The following PAQR3 variants were observed in gnomAD, a reference collection of about 807,000 sequenced individuals.
The protein encoded by PAQR3 is Raf kinase trapping to Golgi.
A neutral mutation model predicts 41.7 loss-of-function variants in PAQR3; 39 were observed. The ratio of observed to expected loss-of-function variants is 0.93; its 90% CI spans 0.72 to 1.22. The LOEUF is 1.22. PAQR3 is among the 50% of genes most tolerant of loss of function. The pLI, the probability that PAQR3 is intolerant of heterozygous loss-of-function variation, is 0.00. For synonymous variants in PAQR3, 140 were observed against 140.6 expected (o/e 1.00, Z 0.03); for missense variants, 366 against 385.6 (o/e 0.95, Z 0.42).
intron 11 of PAQR3, among the ~76,000 whole-genome samples, chr4:78,893,763 C>T (rs1047046511): frequency 6.6e-6 from 1 of 152,178 alleles, no homozygotes; most frequent in Non-Finnish European, 1.5e-5. Context: ...TTGGGTCTCA[C>T]TATGTTGCCC....
chr4:78,931,604 A>C (rs1455898805), intron 2 of PAQR3, among the ~76,000 whole-genome samples: 2 of 152,092 alleles, frequency 1.3e-5, no homozygotes, highest in Non-Finnish European at 2.9e-5. Flanking sequence ...ACAGTAACAA[A>C]TCCTACTGTA....
chr4:78,910,711 C>A (rs774044883), downstream of PAQR3: 1 of 1,612,964 alleles, frequency 6.2e-7, no homozygotes, highest in East Asian at 2.2e-5. Context: ...TAAAGATCAG[C>A]GGACTGGAAA....
rs1578002648 is a variant in PAQR3 at position 78,918,029 on chromosome 4, C to T, written c.*2510G>A. On this transcript the variant is annotated 3_prime_UTR_variant, in exon 6 of 6. Transcript: ENST00000512733. ...TAGTGTAATAACAAAAAAAGACAAG[C>T]ACTGTCTTGCTATTTGAAAATGGCT... The T allele has an allele frequency of 1.0e-6, 1 of 979,028 alleles. No individual in the cohort carries two copies. Among genetic ancestry groups the T allele is most frequent in the Non-Finnish European group, 1.2e-6 (1 of 823,876 alleles). 60.6% of individuals were successfully genotyped at this position (979,028 alleles called of 1,614,324 possible). A position where few individuals can be genotyped will look rare whatever the true frequency, so the allele number is the denominator to read the frequency against.
intron 12 of PAQR3, chr4:78,888,002 A>C (rs1283692212): frequency 1.3e-5 from 2 of 152,252 alleles, no homozygotes; most frequent in East Asian, 3.8e-4. Context: ...TCACTCAGGC[A>C]AGTTACATAT....
intron 11 of PAQR3, among the ~76,000 whole-genome samples, chr4:78,889,126 C>T (rs976541003): frequency 6.8e-6 from 1 of 146,730 alleles, no homozygotes; most frequent in African/African-American, 2.5e-5. Context: ...GAGGCTAAGG[C>T]AGGAGAATGG....
chr4:78,887,595 T>C (rs1026646631), intron 12 of PAQR3, among the ~76,000 whole-genome samples: 7 of 152,194 alleles, frequency 4.6e-5, no homozygotes, highest in Non-Finnish European at 1.5e-5. Flanking sequence ...TGCTTAAAAA[T>C]TTGATATTTT....
At position 78,903,610 on chromosome 4, in the gene PAQR3, C is replaced by G. The variant is rs1048994905; in HGVS notation, c.*836+2498G>C. Among the ~76,000 whole-genome samples the G allele has an allele frequency of 2.0e-5, 3 of 151,878 alleles. No homozygotes were observed. In the East Asian group the frequency reaches 5.8e-4, roughly 29 times the overall value. The stretch of plus-strand genomic sequence containing the variant: ...CTCAGGCTTATTTGGATGTTTATCT[C>G]TCATGGATTTTGTAAAGTTGAGTAT... On this transcript the variant is annotated intron_variant and NMD_transcript_variant, in intron 11 of 12. Transcript: ENST00000342820.
chr4:78,898,645 G>A (rs1469597170), intron 11 of PAQR3, among the ~76,000 whole-genome samples: 3 of 149,130 alleles, frequency 2.0e-5, no homozygotes, highest in African/African-American at 7.4e-5. Context: ...GCGACAGAGC[G>A]AGACTCCATC....
chr4:78,938,794 A>G (rs186881768), intron 1 of PAQR3, among the ~76,000 whole-genome samples: 17 of 152,174 alleles, frequency 1.1e-4, no homozygotes, highest in Admixed American at 9.2e-4. Context: ...CTTTGTAAAG[A>G]GCAAAGCGTC....
In PAQR3 at chr4:78,912,073, A is replaced by G; in HGVS notation, c.*8466T>C. 6.6e-7 allele frequency: 1 copy of G among 1,520,536 alleles called. No homozygotes were observed. Among genetic ancestry groups the G allele is most frequent in the Non-Finnish European group, 8.9e-7 (1 of 1,124,788 alleles). The allele number at this position is 1,520,536 out of a possible 1,614,324, so 94.2% of individuals were successfully genotyped here. A position where few individuals can be genotyped will look rare whatever the true frequency, so the allele number is the denominator to read the frequency against. ...TTCTCGGCATTAACTCCTGTTTCAA[A>G]AAAGTGTGAACAGTTTTATGAATTT... is the stretch of plus-strand genomic sequence containing the variant. On this transcript the variant is annotated 3_prime_UTR_variant, in exon 6 of 6. Transcript: ENST00000512733.
At chr4:78,910,849 G>A, downstream of PAQR3, 2 of 1,613,956 alleles carry the variant, frequency 1.2e-6, no homozygotes, top group East Asian at 2.2e-5. Context: ...TCTTCAGGGG[G>A]AACAAGGAGA....
chr4:78,917,803 A>G lies in PAQR3; in HGVS notation c.*2736T>C. 2 of 985,046 alleles carry G rather than the reference A, an allele frequency of 2.0e-6. No homozygotes were observed. The highest frequency in any genetic ancestry group is 1.2e-6 in the Non-Finnish European group (1 of 829,330). The allele number at this position is 985,046 out of a possible 1,614,324, so 61.0% of individuals were successfully genotyped here. A position where few individuals can be genotyped will look rare whatever the true frequency, so the allele number is the denominator to read the frequency against. On this transcript the variant is annotated 3_prime_UTR_variant, in exon 6 of 6. Transcript: ENST00000512733. ...GTACAGTTTTACGGAAGTCAATCAC[A>G]ATCTTCAAATCGGATATTCTGTCCA...
chr4:78,913,467 T>C lies in PAQR3; in HGVS notation c.*7072A>G, dbSNP rs746279559. On this transcript the variant is annotated 3_prime_UTR_variant, in exon 6 of 6. Transcript: ENST00000512733. ...CTGTGTCTATGACTATTTTAAGATA[T>C]AATTGTGCTGCGCTATCAGATTAAC... is the stretch of plus-strand genomic sequence containing the variant. 1.3e-5 allele frequency: 2 copies of C among 152,196 alleles called. No individual in the cohort carries two copies. The highest frequency in any genetic ancestry group is 2.9e-5 in the Non-Finnish European group (2 of 68,004). 9.4% of individuals were successfully genotyped at this position (152,196 alleles called of 1,614,324 possible).
rs1369704020 is a variant in PAQR3, at chr4:78,916,096, CTT to C, written c.*4441_*4442del. On this transcript the variant is annotated 3_prime_UTR_variant, in exon 6 of 6. Coordinates refer to ENST00000512733, the MANE Select transcript of PAQR3 (RefSeq NM_001040202.2). Reference sequence around the variant, plus strand: ...TTACAAAACATACTTGCTAAAGTAACTTCAGTCCTCAAATATAGCTGGGAAAC... The same window carrying C: ...TTACAAAACATACTTGCTAAAGTAACCAGTCCTCAAATATAGCTGGGAAAC... 2.6e-5 allele frequency: 4 copies of C among 151,826 alleles called. No homozygotes were observed. The highest frequency in any genetic ancestry group is 9.7e-5 in the African/African-American group (4 of 41,400). The allele number at this position is 151,826 out of a possible 1,614,324, so 9.4% of individuals were successfully genotyped here. A position where few individuals can be genotyped will look rare whatever the true frequency, so the allele number is the denominator to read the frequency against.
At chr4:78,893,350 C>T (rs1454674150) in intron 11 of PAQR3, among the ~76,000 whole-genome samples, 1 of 152,224 alleles carries the variant, frequency 6.6e-6, no homozygotes, top group Admixed American at 6.5e-5. Flanking sequence ...ACTTCCTTCA[C>T]TGAAATCTTA....
intron 3 of PAQR3, 132 bp from the exon 4 acceptor site, chr4:78,926,850 C>T (rs983953266): frequency 2.6e-6 from 2 of 766,812 alleles, no homozygotes; most frequent in Non-Finnish European, 4.3e-6. Context: ...AGGATTATCT[C>T]CCTTCATTAA....
At chr4:78,938,882 G>C (rs1228252894) in intron 1 of PAQR3, among the ~76,000 whole-genome samples, 158 bp downstream of exon 1, 6 of 151,708 alleles carry the variant, frequency 4.0e-5, no homozygotes. Context: ...GGTAAGGGGA[G>C]ATAACGGGGG....
chr4:78,900,055 T>A (rs867512854), intron 11 of PAQR3, among the ~76,000 whole-genome samples: 22 of 152,170 alleles, frequency 1.4e-4, no homozygotes, highest in African/African-American at 5.1e-4. Context: ...TTCTTTCGCC[T>A]CTGCTATCCC....
intron 11 of PAQR3, among the ~76,000 whole-genome samples, chr4:78,891,476 C>CT (rs1210596624): frequency 1.3e-5 from 2 of 152,078 alleles, no homozygotes; most frequent in African/African-American, 2.4e-5. Context: ...TCTTTCTGGA[C>CT]TTTCTTCTTT....
Sources: gnomAD v4.1 joint callset for allele counts (sites outside exome capture counted in the v4.1 genomes callset) on GRCh38, gnomAD v4.1.1 for gene constraint, MANE v1.5 for transcripts, NCBI Gene and HGNC (gene_info 2026-07-23, HGNC 2026-07-21) for gene names.